The following PDE4B variants were observed in gnomAD, a reference collection of about 807,000 sequenced individuals.
The protein encoded by PDE4B is 3',5'-cyclic-AMP phosphodiesterase 4B.
In PDE4B, 20 loss-of-function variants were observed where a neutral mutation model predicts 82.2. The observed-to-expected ratio is 0.24, with a 90% CI of 0.17 to 0.35. The LOEUF (loss-of-function observed/expected upper bound fraction) is 0.35. Ranked by LOEUF, PDE4B falls within the 10% of genes least tolerant of loss-of-function variation. The probability of loss-of-function intolerance (pLI) is 1.00; values close to 1 mark genes in which losing one functional copy is unlikely to be tolerated. For missense variants in PDE4B, 655 were observed against 907.2 expected (o/e 0.72, Z 3.57); for synonymous variants, 320 against 318.9 (o/e 1.00, Z -0.04).
intron 3 of PDE4B, among the ~76,000 whole-genome samples, chr1:66,154,628 G>C (rs1464504089): frequency 2.6e-5 from 4 of 152,098 alleles, no homozygotes; most frequent in African/African-American, 9.7e-5. Context: ...AGCTGGCAGG[G>C]GTTTTTCCAG....
intron 1 of PDE4B, among the ~76,000 whole-genome samples, chr1:65,846,634 C>T (rs990241230): frequency 1.3e-5 from 2 of 152,134 alleles, no homozygotes; most frequent in Non-Finnish European, 2.9e-5. Flanking sequence ...CAAATTCTTA[C>T]AAGTTTGGAT....
chr1:66,086,561 C>A (rs983733629), intron 3 of PDE4B, among the ~76,000 whole-genome samples: 4 of 152,136 alleles, frequency 2.6e-5, no homozygotes, highest in African/African-American at 9.7e-5. Flanking sequence ...AAGTAAATAA[C>A]ATTTTACTTA....
In PDE4B at chr1:66,050,259, G is replaced by A. The variant is rs191179968; in HGVS notation, c.281+131424G>A. On this transcript the variant is annotated intron_variant, in intron 3 of 16. Transcript: ENST00000341517. ...TATTGTTTTTACTAATGACTCAGCT[G>A]CTTAAATGATCTATTGTATCGGTGG... Among the ~76,000 whole-genome samples, 583 of 152,142 alleles carry A rather than the reference G, an allele frequency of 3.8e-3. 1 individual carries two copies. The highest frequency in any genetic ancestry group is 6.4e-3 in the Non-Finnish European group (437 of 67,978).
intron 7 of PDE4B, among the ~76,000 whole-genome samples, chr1:66,275,332 G>T (rs994593911): frequency 2.0e-5 from 3 of 152,198 alleles, no homozygotes; most frequent in Non-Finnish European, 4.4e-5. Flanking sequence ...AGGAAGCTTA[G>T]CAGGGAGTAG....
intron 8 of PDE4B, among the ~76,000 whole-genome samples, chr1:66,337,989 C>G (rs565178606): frequency 6.6e-6 from 1 of 152,272 alleles, no homozygotes; most frequent in East Asian, 1.9e-4. Flanking sequence ...ATATTCTCTT[C>G]TATAAAACAA....
At position 66,162,087 on chromosome 1, in the gene PDE4B, G is replaced by GA. The variant is rs540088405; in HGVS notation, c.282-85363dup. 2.2e-3 allele frequency among the ~76,000 whole-genome samples: 326 copies of GA among 148,130 alleles called. 1 individual carries two copies. Among genetic ancestry groups the GA allele is most frequent in the Non-Finnish European group, 2.9e-3 (193 of 66,730 alleles). ...TTTAATTCAAGTGCTCTTGATTGCA[G>GA]AAAAAAAAAAGTCACCTATTTGATG... On this transcript the variant is annotated intron_variant, in intron 3 of 16. Coordinates refer to ENST00000341517, the MANE Select transcript of PDE4B (RefSeq NM_002600.4).
In PDE4B at chr1:65,850,647, GTTTGTGTGTA is replaced by G. The variant is rs993590138; in HGVS notation, c.-71+57411_-71+57420del. 7.9e-5 allele frequency among the ~76,000 whole-genome samples: 12 copies of G among 151,476 alleles called. 1 individual carries two copies. The highest frequency in any genetic ancestry group is 2.7e-4 in the African/African-American group (11 of 40,864). On this transcript the variant is annotated intron_variant, in intron 1 of 16. Coordinates refer to ENST00000341517, the MANE Select transcript of PDE4B (RefSeq NM_002600.4). ...TGTTCTTATAGCTGAGTAAGAGTGT[GTTTGTGTGTA>G]TTTGTGTGTATATGTGTGTTTGCAT...
rs1050226948 is a variant in PDE4B, at chr1:65,834,409, T to C, written c.-71+41161T>C. ...TAAAGAATGTGTAAAGCACTTAGTATGGGCCTCTTACACAGTAAAACTTAA... is the reference window on the plus strand; with the variant it reads ...TAAAGAATGTGTAAAGCACTTAGTACGGGCCTCTTACACAGTAAAACTTAA... On this transcript the variant is annotated intron_variant, in intron 1 of 16. Transcript: ENST00000341517. Among the ~76,000 whole-genome samples, 3 of 152,238 alleles carry C rather than the reference T, an allele frequency of 2.0e-5. 1 individual carries two copies. The highest frequency in any genetic ancestry group is 4.1e-4 in the South Asian group (2 of 4,832).
chr1:66,351,566 T>A (rs992231228), intron 8 of PDE4B, among the ~76,000 whole-genome samples: 2 of 152,218 alleles, frequency 1.3e-5, no homozygotes, highest in African/African-American at 4.8e-5. Context: ...TTTTCCTCAG[T>A]CATGTAGAGG....
intron 4 of PDE4B, among the ~76,000 whole-genome samples, chr1:66,249,915 G>T (rs1457101349): frequency 6.6e-6 from 1 of 152,054 alleles, no homozygotes; most frequent in African/African-American, 2.4e-5. Flanking sequence ...ATCTTTGTGT[G>T]AATGAAAATA....
chr1:66,124,931 G>GTC (rs919520250), intron 3 of PDE4B, among the ~76,000 whole-genome samples: 1 of 151,444 alleles, frequency 6.6e-6, no homozygotes, highest in Non-Finnish European at 1.5e-5. Context: ...GTGTGTGTGT[G>GTC]TGTGTGTGTG....
intron 7 of PDE4B, among the ~76,000 whole-genome samples, chr1:66,307,958 T>G (rs1430204564): frequency 6.6e-6 from 1 of 152,146 alleles, no homozygotes; most frequent in Non-Finnish European, 1.5e-5. Context: ...AGCTGCATGT[T>G]GCACACATTA....
At chr1:65,826,181 A>G (rs959360726) in intron 1 of PDE4B, among the ~76,000 whole-genome samples, 3 of 152,208 alleles carry the variant, frequency 2.0e-5, no homozygotes, top group Non-Finnish European at 2.9e-5. Context: ...AGGTGTATCC[A>G]TAAATCCTCT....
intron 3 of PDE4B, among the ~76,000 whole-genome samples, chr1:65,939,639 C>T (rs1403753631): frequency 1.3e-5 from 2 of 152,046 alleles, no homozygotes; most frequent in East Asian, 3.9e-4. Context: ...TTGAACCCCA[C>T]AAAGGCAGTC....
intron 1 of PDE4B, among the ~76,000 whole-genome samples, chr1:65,808,815 A>T (rs1570957428): frequency 6.6e-6 from 1 of 152,204 alleles, no homozygotes; most frequent in South Asian, 2.1e-4. Context: ...CTTTTCAGTT[A>T]TGGCTGATTT....
chr1:65,949,674 T>C (rs529463876), intron 3 of PDE4B, among the ~76,000 whole-genome samples: 185 of 152,232 alleles, frequency 1.2e-3, no homozygotes, highest in Non-Finnish European at 2.1e-3. Flanking sequence ...GAGATTTTAC[T>C]CTAATTATGA....
intron 3 of PDE4B, among the ~76,000 whole-genome samples, chr1:66,142,750 T>C (rs2101153434): frequency 6.6e-6 from 1 of 152,348 alleles, no homozygotes; most frequent in Admixed American, 6.5e-5. Context: ...CATTTAATAA[T>C]ATTGTAATGT....
intron 3 of PDE4B, among the ~76,000 whole-genome samples, chr1:66,221,492 A>T (rs1650985665): frequency 6.6e-6 from 1 of 152,224 alleles, no homozygotes; most frequent in Non-Finnish European, 1.5e-5. Context: ...TGTAAAACAT[A>T]TTCAACTTAA....
At chr1:66,194,848 A>G (rs1648150549) in intron 3 of PDE4B, among the ~76,000 whole-genome samples, 1 of 152,088 alleles carries the variant, frequency 6.6e-6, no homozygotes, top group South Asian at 2.1e-4. Flanking sequence ...CATAACAGAG[A>G]TTAACACTCA....
Sources: allele counts gnomAD v4.1 joint callset (sites outside exome capture counted in the v4.1 genomes callset), GRCh38; gene constraint gnomAD v4.1.1; transcripts MANE v1.5; gene names NCBI Gene and HGNC (gene_info 2026-07-23, HGNC 2026-07-21).